KAT14: variants seen among roughly 807,000 people sequenced by gnomAD.
KAT14 encodes the protein cysteine-rich protein 2-binding protein.
A neutral mutation model predicts 78.4 loss-of-function variants in KAT14; 66 were observed. The ratio of observed to expected loss-of-function variants is 0.84; its 90% CI spans 0.69 to 1.03. The LOEUF (loss-of-function observed/expected upper bound fraction) is 1.03. Among genes scored for constraint, KAT14 ranks in the 50% least tolerant of loss-of-function variants. The probability of loss-of-function intolerance (pLI) is 0.00; values close to 1 mark genes in which losing one functional copy is unlikely to be tolerated. For synonymous variants in KAT14, 344 were observed against 359.4 expected (o/e 0.96, Z 0.48); for missense variants, 870 against 972.5 (o/e 0.89, Z 1.40).
At chr20:18,143,535 C>T (rs2037673256) in intron 2 of KAT14, among the ~76,000 whole-genome samples, 1 of 147,654 alleles carries the variant, frequency 6.8e-6, no homozygotes, top group South Asian at 2.1e-4. Context: ...GGCATGATCT[C>T]GGCTCCTGGG....
intron 8 of KAT14, among the ~76,000 whole-genome samples, chr20:18,182,168 C>T (rs1452597141): frequency 6.6e-6 from 1 of 151,752 alleles, no homozygotes; most frequent in African/African-American, 2.4e-5. Flanking sequence ...GTCACCCAGG[C>T]TGGGCTGCAG....
intron 7 of KAT14, among the ~76,000 whole-genome samples, chr20:18,174,037 T>G (rs904239453): frequency 6.6e-6 from 1 of 152,250 alleles, no homozygotes; most frequent in Non-Finnish European, 1.5e-5. Flanking sequence ...TGTAGATTTA[T>G]GTACTCTGGA....
chr20:18,187,243 G>T, intron 10 of KAT14, 43 bp from the exon 11 acceptor site: 1 of 1,560,748 alleles, frequency 6.4e-7, no homozygotes, highest in Non-Finnish European at 8.6e-7. Context: ...TTTTCCCTCA[G>T]GCCTTTCCAT....
chr20:18,152,031 C>T (rs1250467461), intron 4 of KAT14, among the ~76,000 whole-genome samples: 1 of 150,410 alleles, frequency 6.6e-6, no homozygotes, highest in African/African-American at 2.4e-5. Flanking sequence ...ATGTTTGTTT[C>T]AACTGAACAT....
intron 4 of KAT14, among the ~76,000 whole-genome samples, chr20:18,155,797 A>G (rs566266872): frequency 2.0e-5 from 3 of 152,348 alleles, no homozygotes; most frequent in East Asian, 3.9e-4. Flanking sequence ...GTGGGAATGT[A>G]AAATTGTACA....
rs749344174 is a variant in KAT14 at position 18,145,320 on chromosome 20, A to G, written c.347A>G (p.Gln116Arg). 6.2e-7 allele frequency: 1 copy of G among 1,614,236 alleles called. No individual in the cohort carries two copies. Among genetic ancestry groups the G allele is most frequent in the East Asian group, 2.2e-5 (1 of 44,884 alleles). Residue 116 changes from glutamine to arginine, a missense_variant, in exon 3 of 11, where the codon CAG becomes CGG. Coordinates refer to ENST00000688188, the MANE Select transcript of KAT14 (RefSeq NM_001392073.1). Reference sequence around the variant, plus strand: ...GATTGCTCAGCAGATGGCAAGGAGCAGTATGAAAGGCTGAAGCTGACATGG... The same window carrying G: ...GATTGCTCAGCAGATGGCAAGGAGCGGTATGAAAGGCTGAAGCTGACATGG... ...CSDCSADGKE[Q>R]YERLKLTWQQ...
At chr20:18,145,186 C>A in intron 2 of KAT14, 47 bp from the exon 3 acceptor site, 1 of 1,597,210 alleles carries the variant, frequency 6.3e-7, no homozygotes, top group Non-Finnish European at 8.5e-7. Flanking sequence ...TTTAGGTTAC[C>A]GCTGCTCTAG....
intron 1 of KAT14, among the ~76,000 whole-genome samples, chr20:18,140,293 G>T (rs764087465): frequency 1.3e-5 from 2 of 152,060 alleles, no homozygotes; most frequent in Non-Finnish European, 2.9e-5. Context: ...TCTTGCCAAG[G>T]GTGCATGGTT....
At chr20:18,182,989 C>A in intron 8 of KAT14, 134 bp from the exon 9 acceptor site, 2 of 1,275,074 alleles carry the variant, frequency 1.6e-6, no homozygotes, top group Non-Finnish European at 2.1e-6. Context: ...TGTAATCAAG[C>A]CAGCTTCGTG....
intron 4 of KAT14, among the ~76,000 whole-genome samples, chr20:18,152,343 G>T (rs1031598992): frequency 1.3e-5 from 2 of 152,074 alleles, no homozygotes; most frequent in Non-Finnish European, 2.9e-5. Context: ...TTGGGAGGCC[G>T]AGGCGAGCAG....
chr20:18,156,087 A>G (rs1447314867), intron 4 of KAT14, among the ~76,000 whole-genome samples: 1 of 152,224 alleles, frequency 6.6e-6, no homozygotes, highest in African/African-American at 2.4e-5. Flanking sequence ...CACATGCTGC[A>G]GTGTAGATGA....
chr20:18,146,780 G>A (rs2037843464), intron 3 of KAT14, among the ~76,000 whole-genome samples: 1 of 152,078 alleles, frequency 6.6e-6, no homozygotes, highest in African/African-American at 2.4e-5. Flanking sequence ...GGGAGGTTGA[G>A]GCTGCAATGA....
intron 7 of KAT14, among the ~76,000 whole-genome samples, chr20:18,180,656 C>G (rs1017430209): frequency 6.6e-6 from 1 of 152,158 alleles, no homozygotes; most frequent in Non-Finnish European, 1.5e-5. Flanking sequence ...TTCCACATGG[C>G]TGGGTAGGCC....
At chr20:18,151,591 C>G (rs2038044737) in intron 4 of KAT14, among the ~76,000 whole-genome samples, 1 of 152,082 alleles carries the variant, frequency 6.6e-6, no homozygotes. Context: ...TTCCAAAGTG[C>G]TGGGATTATG....
chr20:18,173,717 ATGTGTTTAATATC>A (rs1284840592), intron 7 of KAT14, among the ~76,000 whole-genome samples: 1 of 151,282 alleles, frequency 6.6e-6, no homozygotes, highest in Non-Finnish European at 1.5e-5. Context: ...TTCAGTGATC[ATGTGTTTAATATC>A]TGGTAATGAA....
In KAT14 at chr20:18,142,708, C is replaced by T. The variant is rs774455402; in HGVS notation, c.48C>T (p.Asp16=). The T allele has an allele frequency of 5.8e-5, 93 of 1,613,996 alleles. No individual in the cohort carries two copies. Among genetic ancestry groups the T allele is most frequent in the Non-Finnish European group, 7.4e-5 (87 of 1,180,046 alleles). Residue 16 remains aspartate, a synonymous_variant, in exon 2 of 11, where the codon GAC becomes GAT. Transcript: ENST00000688188. ...HLSSLISRHD[D]EATRTSTSEG... Reference sequence around the variant, plus strand: ...GTAGTCTGATCAGTCGGCATGATGACGAAGCCACGAGAACATCGACCTCAG... The same window carrying T: ...GTAGTCTGATCAGTCGGCATGATGATGAAGCCACGAGAACATCGACCTCAG...
In KAT14 at chr20:18,184,643, G is replaced by T; in HGVS notation, c.2023G>T (p.Val675Phe). 6.2e-7 allele frequency: 1 copy of T among 1,613,780 alleles called. No individual in the cohort carries two copies. The highest frequency in any genetic ancestry group is 8.5e-7 in the Non-Finnish European group (1 of 1,179,930). ...GTGTCTGCAGTACCCAGACTTCAGT[G>T]TTGTTGTTCTTTATAAAAAAGTCAT... ...SECLQYPDFS[V>F]VVLYKKVIIA... is the part of the protein sequence containing the mutation. Residue 675 changes from valine to phenylalanine, a missense_variant, in exon 10 of 11, where the codon GTT becomes TTT. By Grantham distance (50) the Val-to-Phe change is conservative. Coordinates refer to ENST00000688188, the MANE Select transcript of KAT14 (RefSeq NM_001392073.1).
intron 7 of KAT14, among the ~76,000 whole-genome samples, chr20:18,174,336 G>T (rs2038957950): frequency 8.1e-6 from 1 of 124,088 alleles, no homozygotes; most frequent in African/African-American, 3.0e-5. Context: ...AGATCTAGGA[G>T]TGGAATTGCT....
At chr20:18,151,477 G>T (rs148533084) in intron 4 of KAT14, among the ~76,000 whole-genome samples, 1 of 151,354 alleles carries the variant, frequency 6.6e-6, no homozygotes, top group Non-Finnish European at 1.5e-5. Context: ...GATTACAGGC[G>T]TGAGCCACTG....
Sources: allele counts gnomAD v4.1 joint callset (sites outside exome capture counted in the v4.1 genomes callset), GRCh38; gene constraint gnomAD v4.1.1; transcripts MANE v1.5; gene names NCBI Gene and HGNC (gene_info 2026-07-23, HGNC 2026-07-21).